LUZP2: variants seen among roughly 807,000 people sequenced by gnomAD.
The protein encoded by LUZP2 is leucine zipper protein 2.
A neutral mutation model predicts 51.6 loss-of-function variants in LUZP2; 52 were observed. That is an observed-to-expected ratio of 1.01 (90% CI 0.81 to 1.27). The LOEUF (loss-of-function observed/expected upper bound fraction) is 1.27. LUZP2 is among the 50% of genes most tolerant of loss of function. The pLI, the probability that LUZP2 is intolerant of heterozygous loss-of-function variation, is 0.00. For missense variants in LUZP2, 436 were observed against 395.4 expected (o/e 1.10, Z -0.87); for synonymous variants, 154 against 137.3 (o/e 1.12, Z -0.85).
intron 7 of LUZP2, among the ~76,000 whole-genome samples, chr11:24,958,605 T>G (rs1855284848): frequency 6.6e-6 from 1 of 152,034 alleles, no homozygotes; most frequent in African/African-American, 2.4e-5. Context: ...GGGTTGTTTG[T>G]TTTTTTCTTG....
At chr11:24,759,926 C>G (rs1001828567) in intron 4 of LUZP2, among the ~76,000 whole-genome samples, 2 of 151,964 alleles carry the variant, frequency 1.3e-5, no homozygotes, top group African/African-American at 4.8e-5. Context: ...AACAAGTGCC[C>G]CTGGTGGTCG....
chr11:24,742,706 C>A (rs1409345738), intron 4 of LUZP2, among the ~76,000 whole-genome samples: 4 of 151,952 alleles, frequency 2.6e-5, no homozygotes, highest in South Asian at 2.1e-4. Context: ...TAATTAAGTC[C>A]CAACTATTTA....
At chr11:24,641,350 A>AT (rs1191236710) in intron 1 of LUZP2, among the ~76,000 whole-genome samples, 3 of 151,862 alleles carry the variant, frequency 2.0e-5, no homozygotes, top group Admixed American at 6.6e-5. Flanking sequence ...AATGACCTTA[A>AT]TTTGCAACTT....
intron 1 of LUZP2, among the ~76,000 whole-genome samples, chr11:24,698,386 T>C (rs928120949): frequency 6.6e-6 from 1 of 152,238 alleles, no homozygotes; most frequent in African/African-American, 2.4e-5. Context: ...GATGCACTTT[T>C]GCTTTGACTT....
intron 1 of LUZP2, among the ~76,000 whole-genome samples, chr11:24,688,894 C>T (rs924994848): frequency 1.3e-5 from 2 of 152,080 alleles, no homozygotes; most frequent in African/African-American, 2.4e-5. Context: ...ACCCATCTCC[C>T]AGCTAGAAGA....
At chr11:24,878,632 A>T (rs987229221) in intron 5 of LUZP2, among the ~76,000 whole-genome samples, 1 of 148,206 alleles carries the variant, frequency 6.7e-6, no homozygotes, top group African/African-American at 2.6e-5. Context: ...TTTAGTTTTT[A>T]TTTTATTTTA....
At chr11:24,934,282 A>G (rs1247580612) in intron 7 of LUZP2, among the ~76,000 whole-genome samples, 2 of 152,142 alleles carry the variant, frequency 1.3e-5, no homozygotes, top group Non-Finnish European at 2.9e-5. Flanking sequence ...TGACACATAC[A>G]TCCAAAGTTT....
chr11:24,841,784 C>G (rs987171047), intron 5 of LUZP2, among the ~76,000 whole-genome samples: 8 of 152,052 alleles, frequency 5.3e-5, no homozygotes, highest in Non-Finnish European at 8.8e-5. Flanking sequence ...AAATTTAACT[C>G]CCTGCCAAAA....
intron 2 of LUZP2, among the ~76,000 whole-genome samples, chr11:24,730,655 A>G (rs1324808103): frequency 6.6e-6 from 1 of 151,824 alleles, no homozygotes; most frequent in Admixed American, 6.6e-5. Flanking sequence ...GGCATAGAAC[A>G]CTTGACACAT....
intron 5 of LUZP2, among the ~76,000 whole-genome samples, chr11:24,834,221 T>G (rs917038116): frequency 6.6e-6 from 1 of 152,082 alleles, no homozygotes; most frequent in African/African-American, 2.4e-5. Context: ...CATTAGGTAT[T>G]TGTCCTAATG....
intron 5 of LUZP2, among the ~76,000 whole-genome samples, chr11:24,789,276 A>G (rs1849338669): frequency 6.6e-6 from 1 of 152,172 alleles, no homozygotes; most frequent in Admixed American, 6.6e-5. Context: ...TCCTCTATAT[A>G]TGGTCAACTA....
At chr11:24,694,579 C>T (rs758504231) in intron 1 of LUZP2, among the ~76,000 whole-genome samples, 2 of 151,958 alleles carry the variant, frequency 1.3e-5, no homozygotes, top group African/African-American at 2.4e-5. Flanking sequence ...GGGTATATAC[C>T]CAAAAGATTA....
At chr11:24,961,381 T>TAAG (rs991107246) in intron 7 of LUZP2, among the ~76,000 whole-genome samples, 1 of 152,194 alleles carries the variant, frequency 6.6e-6, no homozygotes, top group African/African-American at 2.4e-5. Context: ...TGTGGGAGTC[T>TAAG]AAGTCTCTTT....
chr11:24,987,121 G>A (rs554753736), intron 9 of LUZP2, among the ~76,000 whole-genome samples: 171 of 151,990 alleles, frequency 1.1e-3, no homozygotes, highest in Non-Finnish European at 2.1e-3. Flanking sequence ...ATTAGCATAT[G>A]TTGTGGTGCC....
intron 1 of LUZP2, among the ~76,000 whole-genome samples, chr11:24,573,371 G>A (rs1852502759): frequency 6.6e-6 from 1 of 151,830 alleles, no homozygotes; most frequent in Non-Finnish European, 1.5e-5. Context: ...CTAGCTCTTT[G>A]CCCATTTCTA....
intron 1 of LUZP2, among the ~76,000 whole-genome samples, chr11:24,559,152 C>T (rs998153100): frequency 1.3e-5 from 2 of 151,914 alleles, no homozygotes; most frequent in Non-Finnish European, 2.9e-5. Flanking sequence ...TGTATTACAA[C>T]ACTTTAATCA....
chr11:24,534,803 T>A (rs77660134), intron 1 of LUZP2, among the ~76,000 whole-genome samples: 6,346 of 151,548 alleles, frequency 0.042, 412 homozygotes, highest in African/African-American at 0.14. Context: ...AATGATGCTG[T>A]GCATAATGTG....
intron 1 of LUZP2, among the ~76,000 whole-genome samples, chr11:24,517,526 A>G (rs1590127304): frequency 6.9e-6 from 1 of 144,832 alleles, no homozygotes; most frequent in Admixed American, 6.9e-5. Flanking sequence ...GTAGGTACAT[A>G]TTAAATTTTA....
intron 7 of LUZP2, among the ~76,000 whole-genome samples, chr11:24,951,916 G>C (rs1417829406): frequency 6.6e-6 from 1 of 151,682 alleles, no homozygotes; most frequent in African/African-American, 2.4e-5. Context: ...CTTGGAGGAT[G>C]AGGTCTCTAT....
Sources: gnomAD v4.1 joint callset for allele counts (sites outside exome capture counted in the v4.1 genomes callset) on GRCh38, gnomAD v4.1.1 for gene constraint, MANE v1.5 for transcripts, NCBI Gene and HGNC (gene_info 2026-07-23, HGNC 2026-07-21) for gene names.